Variants in GRIA4 observed in about 807,000 individuals in gnomAD.
GRIA4 encodes the protein glutamate ionotropic receptor AMPA type subunit 4.
GRIA4 carries 34 observed loss-of-function variants against 104.0 expected under a neutral mutation model. The observed-to-expected ratio is 0.33, with a 90% CI of 0.25 to 0.44. GRIA4 has a LOEUF of 0.44. GRIA4 is among the 20% of genes least tolerant of loss of function. The pLI is 1.00. For synonymous variants in GRIA4, 386 were observed against 381.9 expected, an observed-to-expected ratio of 1.01 and a Z score of -0.13; for missense variants, 750 against 1,096.5, an observed-to-expected ratio of 0.68 and a Z score of 4.46.
At chr11:105,646,806 G>A (rs183144496) in intron 3 of GRIA4, among the ~76,000 whole-genome samples, 11 of 152,240 alleles carry the variant, frequency 7.2e-5, no homozygotes, top group African/African-American at 2.6e-4. Flanking sequence ...ACAGATTAGA[G>A]ACTTAAATGT....
In GRIA4 at chr11:105,905,304, G is replaced by A. The variant is rs751910044; in HGVS notation, c.1158+3G>A. 16 of 1,477,730 alleles carry A rather than the reference G, an allele frequency of 1.1e-5. No individual in the cohort carries two copies. In the East Asian group the frequency reaches 3.2e-4, roughly 29 times the overall value. The allele number at this position is 1,477,730 out of a possible 1,614,324, so 91.5% of individuals were successfully genotyped here. A position where few individuals can be genotyped will look rare whatever the true frequency, so the allele number is the denominator to read the frequency against. On this transcript the variant is annotated splice_donor_region_variant and intron_variant, in intron 9 of 16. Coordinates refer to ENST00000282499, the MANE Select transcript of GRIA4 (RefSeq NM_000829.4). ...TGAAAAGCACAGGACCTAGAAAGGT[G>A]AGCCACGATCAAACTGAAAAACAGA...
At chr11:105,756,759 G>GA (rs148660499) in intron 4 of GRIA4, among the ~76,000 whole-genome samples, 8 of 150,332 alleles carry the variant, frequency 5.3e-5, no homozygotes, top group South Asian at 2.1e-4. Context: ...AGACTCTCAG[G>GA]AAAAAAAAAA....
chr11:105,725,223 T>C (rs775437449), intron 3 of GRIA4, among the ~76,000 whole-genome samples: 1 of 152,204 alleles, frequency 6.6e-6, no homozygotes, highest in Non-Finnish European at 1.5e-5. Flanking sequence ...GTATTCTTAG[T>C]AGCAAGCAAC....
At position 105,966,854 on chromosome 11, in the gene GRIA4, A is replaced by T. The variant is rs189418244; in HGVS notation, c.2295-5060A>T. Among the ~76,000 whole-genome samples the T allele has an allele frequency of 6.2e-4, 95 of 152,286 alleles. No individual in the cohort carries two copies. The East Asian group carries it at 0.012, about 20-fold the overall frequency. On this transcript the variant is annotated intron_variant, in intron 14 of 16. Transcript: ENST00000282499. ...GGGAAATTTCTCACCCGATCTAAAA[A>T]GCCTTTCAAATTAAGCTCACTTACA...
At chr11:105,699,946 A>T (rs1190856802) in intron 3 of GRIA4, among the ~76,000 whole-genome samples, 1 of 152,176 alleles carries the variant, frequency 6.6e-6, no homozygotes, top group Non-Finnish European at 1.5e-5. Flanking sequence ...TGAAAATAGG[A>T]ACACTGTCTG....
chr11:105,878,766 G>C (rs1203826751), intron 5 of GRIA4, among the ~76,000 whole-genome samples: 1 of 152,226 alleles, frequency 6.6e-6, no homozygotes, highest in Non-Finnish European at 1.5e-5. Flanking sequence ...GTCCCAGGTT[G>C]ACCTCAGACT....
intron 10 of GRIA4, among the ~76,000 whole-genome samples, chr11:105,917,070 C>A (rs1400932515): frequency 6.6e-6 from 1 of 152,124 alleles, no homozygotes. Flanking sequence ...CCACAATTCA[C>A]CAATTTTATA....
chr11:105,915,533 A>T (rs1375999741), intron 10 of GRIA4, among the ~76,000 whole-genome samples: 2 of 152,192 alleles, frequency 1.3e-5, no homozygotes, highest in East Asian at 3.8e-4. Context: ...ATTTCTAATA[A>T]AATTACTTTA....
intron 14 of GRIA4, among the ~76,000 whole-genome samples, chr11:105,940,797 T>C (rs916331601): frequency 1.3e-5 from 2 of 150,212 alleles, no homozygotes; most frequent in African/African-American, 4.9e-5. Context: ...TCAATCAAGA[T>C]GGGGCTACTT....
chr11:105,619,510 ACT>A (rs1440833651), intron 3 of GRIA4, among the ~76,000 whole-genome samples: 24 of 151,978 alleles, frequency 1.6e-4, no homozygotes, highest in Admixed American at 2.6e-4. Flanking sequence ...TTGACTTCTC[ACT>A]GAATTGTTAA....
intron 9 of GRIA4, 27 bp downstream of exon 9, chr11:105,905,328 G>A (rs753465649): frequency 1.6e-5 from 19 of 1,193,254 alleles, no homozygotes; most frequent in Non-Finnish European, 2.4e-5. Flanking sequence ...CTGAAAAACA[G>A]AATTCTCTGT....
chr11:105,647,866 G>A (rs2135372952), intron 3 of GRIA4, among the ~76,000 whole-genome samples: 1 of 152,066 alleles, frequency 6.6e-6, no homozygotes, highest in African/African-American at 2.4e-5. Flanking sequence ...GTCTGAGGTG[G>A]GAGAATTCCT....
At chr11:105,844,264 A>G (rs923727485) in intron 4 of GRIA4, among the ~76,000 whole-genome samples, 2 of 152,220 alleles carry the variant, frequency 1.3e-5, no homozygotes, top group Non-Finnish European at 2.9e-5. Flanking sequence ...TTTGTGATAC[A>G]AGTCACCTTC....
intron 4 of GRIA4, among the ~76,000 whole-genome samples, chr11:105,778,920 T>A (rs1229334834): frequency 7.3e-6 from 1 of 137,062 alleles, no homozygotes; most frequent in Non-Finnish European, 1.6e-5. Context: ...TATCTCCTAA[T>A]ACTATCCCTC....
At chr11:105,854,858 G>A (rs1222714831) in intron 4 of GRIA4, among the ~76,000 whole-genome samples, 3 of 152,078 alleles carry the variant, frequency 2.0e-5, no homozygotes, top group African/African-American at 7.2e-5. Context: ...GAAGACTTGA[G>A]TTCATTCACA....
chr11:105,817,674 T>C (rs1447798953), intron 4 of GRIA4, among the ~76,000 whole-genome samples: 2 of 152,104 alleles, frequency 1.3e-5, no homozygotes, highest in Non-Finnish European at 2.9e-5. Context: ...ATTCAGTAGA[T>C]TCTTGTAAGA....
At chr11:105,941,433 A>G (rs1158860744) in intron 14 of GRIA4, among the ~76,000 whole-genome samples, 1 of 152,154 alleles carries the variant, frequency 6.6e-6, no homozygotes, top group East Asian at 1.9e-4. Context: ...CCCTAGTTCT[A>G]ACTCCACCTT....
chr11:105,613,557 AGT>A (rs771746056), intron 3 of GRIA4: 1 of 152,212 alleles, frequency 6.6e-6, no homozygotes, highest in African/African-American at 2.4e-5. Context: ...AGTACAAGAA[AGT>A]GTGCTGAACA....
chr11:105,649,032 T>G (rs1951612972), intron 3 of GRIA4, among the ~76,000 whole-genome samples: 1 of 152,130 alleles, frequency 6.6e-6, no homozygotes, highest in Non-Finnish European at 1.5e-5. Context: ...ATTGTGCCTA[T>G]CAAACAAAGC....
Sources: allele counts gnomAD v4.1 joint callset (sites outside exome capture counted in the v4.1 genomes callset), GRCh38; gene constraint gnomAD v4.1.1; transcripts MANE v1.5; gene names NCBI Gene and HGNC (gene_info 2026-07-23, HGNC 2026-07-21).